The following DPP10 variants were observed in gnomAD, a reference collection of about 807,000 sequenced individuals.
DPP10 encodes the protein dipeptidyl peptidase like 10, also known as inactive dipeptidyl peptidase 10.
DPP10 carries 33 observed loss-of-function variants against 120.9 expected under a neutral mutation model. The ratio of observed to expected loss-of-function variants is 0.27; its 90% confidence interval spans 0.21 to 0.37. DPP10 has a LOEUF of 0.37. Ranked by LOEUF, DPP10 falls within the 10% of genes least tolerant of loss-of-function variation. The pLI, the probability that DPP10 is intolerant of heterozygous loss-of-function variation, is 1.00. For missense variants in DPP10, 816 were observed against 942.8 expected, an observed-to-expected ratio of 0.87 and a Z score of 1.76; for synonymous variants, 337 against 326.1, an observed-to-expected ratio of 1.03 and a Z score of -0.36.
intron 1 of DPP10, among the ~76,000 whole-genome samples, chr2:114,650,440 C>T (rs941238158): frequency 1.1e-4 from 16 of 152,206 alleles, no homozygotes; most frequent in African/African-American, 2.9e-4. Flanking sequence ...GATACATGTA[C>T]GCTACATGAA....
chr2:115,035,702 C>G (rs1319557110), intron 1 of DPP10, among the ~76,000 whole-genome samples: 1 of 152,122 alleles, frequency 6.6e-6, no homozygotes, highest in East Asian at 1.9e-4. Context: ...TTCTCTAAAC[C>G]ATTCAGTGTC....
At chr2:114,532,422 T>C (rs561740479) in intron 1 of DPP10, among the ~76,000 whole-genome samples, 3 of 150,846 alleles carry the variant, frequency 2.0e-5, no homozygotes, top group South Asian at 4.2e-4. Context: ...GATAGCAGAG[T>C]GTATGAAACG....
intron 1 of DPP10, among the ~76,000 whole-genome samples, chr2:114,576,880 T>TG (rs199776683): frequency 0.014 from 2,085 of 152,120 alleles, 46 homozygotes; most frequent in African/African-American, 0.046. Context: ...AGTGTTTTTT[T>TG]TTTGTTTGTT....
At chr2:114,547,089 G>A (rs765842609) in intron 1 of DPP10, among the ~76,000 whole-genome samples, 12 of 152,200 alleles carry the variant, frequency 7.9e-5, no homozygotes, top group East Asian at 1.9e-4. Context: ...ATGTGTGTGC[G>A]GTAGCACAAG....
At chr2:115,421,369 T>C (rs1231880038) in intron 3 of DPP10, among the ~76,000 whole-genome samples, 1 of 152,164 alleles carries the variant, frequency 6.6e-6, no homozygotes, top group Non-Finnish European at 1.5e-5. Flanking sequence ...AAATGTATGC[T>C]CAGCAAATTA....
intron 19 of DPP10, among the ~76,000 whole-genome samples, chr2:115,807,144 C>G (rs1054448365): frequency 2.0e-5 from 3 of 152,204 alleles, no homozygotes; most frequent in Non-Finnish European, 2.9e-5. Context: ...TACTTACTCA[C>G]TCACACTGTT....
intron 1 of DPP10, among the ~76,000 whole-genome samples, chr2:115,190,577 G>A (rs562361288): frequency 6.6e-6 from 1 of 152,304 alleles, no homozygotes; most frequent in Non-Finnish European, 1.5e-5. Flanking sequence ...CCCCGGCGGT[G>A]AAAGGCACCT....
At chr2:115,539,026 G>A (rs774330728) in intron 5 of DPP10, among the ~76,000 whole-genome samples, 19 of 151,768 alleles carry the variant, frequency 1.3e-4, no homozygotes, top group Non-Finnish European at 2.4e-4. Context: ...CTGAAAATAA[G>A]CTTACATATG....
chr2:115,052,813 G>A (rs779415856), intron 1 of DPP10, among the ~76,000 whole-genome samples: 3 of 152,052 alleles, frequency 2.0e-5, no homozygotes, highest in East Asian at 1.9e-4. Flanking sequence ...TTAGCCGGAC[G>A]CGGTGGCAGG....
At chr2:115,265,811 G>C (rs2059437034) in intron 1 of DPP10, among the ~76,000 whole-genome samples, 1 of 152,136 alleles carries the variant, frequency 6.6e-6, no homozygotes, top group Non-Finnish European at 1.5e-5. Context: ...AGGCGCGGTG[G>C]CTCACGCCTG....
At chr2:115,708,375 G>A (rs962992244) in intron 7 of DPP10, among the ~76,000 whole-genome samples, 6 of 151,930 alleles carry the variant, frequency 3.9e-5, no homozygotes, top group African/African-American at 4.8e-5. Flanking sequence ...TTAAAAGACC[G>A]TGGTAAGTAT....
chr2:114,873,976 T>C (rs778344860), intron 1 of DPP10, among the ~76,000 whole-genome samples: 1 of 152,220 alleles, frequency 6.6e-6, no homozygotes, highest in East Asian at 1.9e-4. Context: ...ATCTGTCGCT[T>C]CAGTGGAGAA....
intron 4 of DPP10, among the ~76,000 whole-genome samples, chr2:115,505,065 A>G (rs1263935087): frequency 3.3e-5 from 5 of 152,112 alleles, no homozygotes; most frequent in Non-Finnish European, 5.9e-5. Flanking sequence ...ATTAGATTCT[A>G]CTAACTAATT....
At chr2:115,691,503 C>T (rs2091312896) in intron 7 of DPP10, among the ~76,000 whole-genome samples, 1 of 152,144 alleles carries the variant, frequency 6.6e-6, no homozygotes, top group South Asian at 2.1e-4. Flanking sequence ...TGCAGTGTTA[C>T]AGTGTTATGC....
chr2:114,787,874 C>G (rs1017628125), intron 1 of DPP10, among the ~76,000 whole-genome samples: 2 of 152,178 alleles, frequency 1.3e-5, no homozygotes, highest in African/African-American at 4.8e-5. Flanking sequence ...TCATTACCTT[C>G]TTGCTATAAT....
At chr2:115,123,987 C>T (rs1476707191) in intron 1 of DPP10, among the ~76,000 whole-genome samples, 6 of 150,892 alleles carry the variant, frequency 4.0e-5, no homozygotes, top group African/African-American at 1.5e-4. Flanking sequence ...CACTCTGTCA[C>T]TCAGGCTGGA....
chr2:114,827,838 A>G (rs1052105989), intron 1 of DPP10, among the ~76,000 whole-genome samples: 3 of 152,212 alleles, frequency 2.0e-5, no homozygotes, highest in African/African-American at 7.2e-5. Context: ...TCTGCCTTGC[A>G]AAGGTCAACA....
intron 3 of DPP10, among the ~76,000 whole-genome samples, chr2:115,494,042 A>G (rs2076267075): frequency 6.6e-6 from 1 of 152,026 alleles, no homozygotes; most frequent in Admixed American, 6.6e-5. Context: ...TCCGCCTCCC[A>G]GGTTCAAGCG....
intron 1 of DPP10, among the ~76,000 whole-genome samples, chr2:115,304,392 G>C (rs1203041603): frequency 6.6e-6 from 1 of 151,924 alleles, no homozygotes; most frequent in Non-Finnish European, 1.5e-5. Context: ...TCACACTCTA[G>C]GGCTAAAAAC....
Sources: gnomAD v4.1 joint callset for allele counts (sites outside exome capture counted in the v4.1 genomes callset) on GRCh38, gnomAD v4.1.1 for gene constraint, MANE v1.5 for transcripts, NCBI Gene and HGNC (gene_info 2026-07-23, HGNC 2026-07-21) for gene names.